HGSNAT: variants seen among roughly 807,000 people sequenced by gnomAD.
HGSNAT encodes the protein transmembrane protein 76.
In HGSNAT, 59 loss-of-function variants were observed where a neutral mutation model predicts 85.2. That is an observed-to-expected ratio of 0.69 (90% CI 0.56 to 0.86). The LOEUF (loss-of-function observed/expected upper bound fraction) is 0.86. Among genes scored for constraint, HGSNAT ranks in the 40% least tolerant of loss-of-function variants. The pLI is 0.00. For missense variants in HGSNAT, 756 were observed against 777.1 expected (o/e 0.97, Z 0.32); for synonymous variants, 321 against 304.5 (o/e 1.05, Z -0.56).
At chr8:43,195,492 A>AGGAAGAGGAGG (rs1563384585) in intron 14 of HGSNAT, among the ~76,000 whole-genome samples, 1 of 149,938 alleles carries the variant, frequency 6.7e-6, no homozygotes, top group Admixed American at 6.6e-5. Flanking sequence ...GGAGGAGGAG[A>AGGAAGAGGAGG]AGGAAGAGGA....
At chr8:43,181,178 A>G (rs1359215350) in intron 10 of HGSNAT, among the ~76,000 whole-genome samples, 46 of 296 alleles carry the variant, frequency 0.16, 12 homozygotes, top group African/African-American at 0.4. Flanking sequence ...AGGGAGAGGG[A>G]GAGGGAGAGG....
At chr8:43,148,827 C>G (rs1212462828) in intron 2 of HGSNAT, among the ~76,000 whole-genome samples, 1 of 149,650 alleles carries the variant, frequency 6.7e-6, no homozygotes, top group Non-Finnish European at 1.5e-5. Context: ...AATTAAAAAA[C>G]AGGAAGACAG....
intron 10 of HGSNAT, among the ~76,000 whole-genome samples, chr8:43,178,680 A>G (rs1258609709): frequency 6.7e-6 from 1 of 148,604 alleles, no homozygotes; most frequent in African/African-American, 2.6e-5. Context: ...TCATAGGACA[A>G]TAGTGGAGGG....
At chr8:43,171,256 C>G (rs1316944501) in intron 7 of HGSNAT, among the ~76,000 whole-genome samples, 1 of 152,142 alleles carries the variant, frequency 6.6e-6, no homozygotes, top group Non-Finnish European at 1.5e-5. Flanking sequence ...CATACTGAAG[C>G]CTTCTGAACT....
intron 13 of HGSNAT, 90 bp from the exon 14 acceptor site, chr8:43,193,667 G>A: frequency 2.6e-6 from 2 of 775,744 alleles, no homozygotes; most frequent in South Asian, 1.7e-5. Context: ...ACATACTGGA[G>A]TGTATTCAGG....
intron 4 of HGSNAT, among the ~76,000 whole-genome samples, chr8:43,160,354 A>C (rs1424367214): frequency 6.6e-6 from 1 of 152,208 alleles, no homozygotes; most frequent in Admixed American, 6.5e-5. Flanking sequence ...ATTCAGGCAT[A>C]TACTATATGA....
intron 7 of HGSNAT, 139 bp downstream of exon 7, chr8:43,170,833 G>A (rs560523043): frequency 3.4e-6 from 2 of 596,478 alleles, no homozygotes; most frequent in African/African-American, 1.9e-5. Context: ...GGATGTAAAA[G>A]TAAACTCTGC....
intron 1 of HGSNAT, among the ~76,000 whole-genome samples, chr8:43,145,743 T>C (rs946176928): frequency 2.0e-5 from 3 of 151,390 alleles, no homozygotes; most frequent in Non-Finnish European, 2.9e-5. Context: ...AGAGCAAGAC[T>C]CCATTTAAAA....
At chr8:43,164,824 TA>T (rs896278220) in intron 5 of HGSNAT, among the ~76,000 whole-genome samples, 2 of 152,226 alleles carry the variant, frequency 1.3e-5, no homozygotes, top group African/African-American at 4.8e-5. Context: ...CTCTTTCTTT[TA>T]CTCAAACGCT....
At chr8:43,191,659 G>A in intron 12 of HGSNAT, 64 bp downstream of exon 12, 1 of 1,570,830 alleles carries the variant, frequency 6.4e-7, no homozygotes, top group Middle Eastern at 1.7e-4. Context: ...GAGGTTCTGG[G>A]CTTTCACAGG....
In HGSNAT at chr8:43,165,912, G is replaced by A. The variant is rs183850347; in HGVS notation, c.564-3261G>A. The stretch of plus-strand genomic sequence containing the variant: ...GATTGCTCCACTGTACTCCAGCCTA[G>A]GCAAAGGAGCTAGACTCTGTCTCAA... On this transcript the variant is annotated intron_variant, in intron 5 of 17. Transcript: ENST00000379644. 5.8e-3 allele frequency among the ~76,000 whole-genome samples: 884 copies of A among 152,256 alleles called. 9 individuals carry two copies. Among genetic ancestry groups the A allele is most frequent in the Non-Finnish European group, 8.2e-3 (560 of 68,020 alleles).
At chr8:43,177,775 G>A (rs1803864706) in intron 9 of HGSNAT, among the ~76,000 whole-genome samples, 1 of 152,098 alleles carries the variant, frequency 6.6e-6, no homozygotes, top group South Asian at 2.1e-4. Context: ...CATTACTGTG[G>A]CTTCGAATCA....
intron 10 of HGSNAT, among the ~76,000 whole-genome samples, chr8:43,178,818 C>T (rs1341781855): frequency 1.4e-5 from 2 of 145,884 alleles, no homozygotes; most frequent in Non-Finnish European, 3.0e-5. Context: ...TGACTCTTAA[C>T]GAGCATGCTG....
chr8:43,195,341 T>C (rs1424225760), intron 14 of HGSNAT, among the ~76,000 whole-genome samples: 1 of 152,162 alleles, frequency 6.6e-6, no homozygotes, highest in Non-Finnish European at 1.5e-5. Flanking sequence ...TACTGTGTTT[T>C]TACAATAAAG....
intron 9 of HGSNAT, among the ~76,000 whole-genome samples, chr8:43,176,155 T>C (rs1394924719): frequency 2.0e-5 from 3 of 152,214 alleles, no homozygotes; most frequent in Non-Finnish European, 4.4e-5. Flanking sequence ...CCCAATGTTT[T>C]CTCTTAGTAG....
Position 43,178,155 on chromosome 8 carries a change from G to T in HGSNAT, c.933G>T (p.Leu311=), listed in dbSNP as rs1458945407. The change falls in exon 10 of 18, where the codon CTG becomes CTT. Residue 311 remains leucine (L), a synonymous_variant. Transcript: ENST00000379644. The part of the protein sequence containing the change: ...LQRGCSKFRL[L]GKIAWRSFLL... The stretch of plus-strand genomic sequence containing the variant: ...GGGGGTGTTCAAAATTCAGATTGCT[G>T]GGGAAGATTGCATGGAGGAGTTTCC... The T allele has an allele frequency of 6.2e-7, 1 of 1,604,898 alleles. No homozygotes were observed. Among genetic ancestry groups the T allele is most frequent in the Middle Eastern group, 1.7e-4 (1 of 6,020 alleles).
intron 11 of HGSNAT, among the ~76,000 whole-genome samples, chr8:43,183,238 C>A (rs1463859364): frequency 6.6e-6 from 1 of 152,212 alleles, no homozygotes; most frequent in East Asian, 1.9e-4. Flanking sequence ...ACGATCTCAA[C>A]TCACTGTTGC....
intron 5 of HGSNAT, chr8:43,167,911 T>C: frequency 3.5e-6 from 1 of 281,826 alleles, no homozygotes; most frequent in Non-Finnish European, 7.1e-6. Context: ...GATATCTTTC[T>C]TTTCTTTCTT....
chr8:43,142,252 G>C (rs1802575164), intron 1 of HGSNAT, among the ~76,000 whole-genome samples: 2 of 152,088 alleles, frequency 1.3e-5, no homozygotes, highest in Non-Finnish European at 2.9e-5. Context: ...CCACCAAGAC[G>C]AGGTAGACCA....
Sources: allele counts gnomAD v4.1 joint callset (sites outside exome capture counted in the v4.1 genomes callset), GRCh38; gene constraint gnomAD v4.1.1; transcripts MANE v1.5; gene names NCBI Gene and HGNC (gene_info 2026-07-23, HGNC 2026-07-21).